Variants in CYP20A1 observed in about 807,000 individuals in gnomAD.
CYP20A1 encodes the protein cytochrome P450 20A1.
Under a neutral mutation model 61.4 loss-of-function variants are expected in CYP20A1, and 61 were observed. The observed-to-expected ratio is 0.99, with a 90% CI of 0.81 to 1.23. CYP20A1 has a LOEUF of 1.23. Among genes scored for constraint, CYP20A1 ranks in the 50% most tolerant of loss-of-function variants. The pLI is 0.00. For missense variants in CYP20A1, 530 were observed against 542.4 expected, an observed-to-expected ratio of 0.98 and a Z score of 0.23; for synonymous variants, 193 against 188.2, an observed-to-expected ratio of 1.03 and a Z score of -0.21.
intron 9 of CYP20A1, among the ~76,000 whole-genome samples, chr2:203,287,792 C>T (rs1327603135): frequency 1.3e-5 from 2 of 152,080 alleles, no homozygotes; most frequent in African/African-American, 4.8e-5. Context: ...TGTACTCCCA[C>T]CTTATCCTCA....
chr2:203,242,029 A>G (rs556285837), intron 1 of CYP20A1, among the ~76,000 whole-genome samples: 6 of 152,114 alleles, frequency 3.9e-5, no homozygotes, highest in Non-Finnish European at 8.8e-5. Context: ...TTTAGTAGAG[A>G]CAAGATTTCA....
intron 3 of CYP20A1, among the ~76,000 whole-genome samples, 166 bp from the exon 4 acceptor site, chr2:203,251,801 A>ATATATT (rs2066686798): frequency 1.2e-5 from 1 of 83,566 alleles, no homozygotes; most frequent in Admixed American, 1.3e-4. Flanking sequence ...GTGTATATAT[A>ATATATT]TATATATATA....
At chr2:203,286,126 G>A (rs144980033) in intron 9 of CYP20A1, among the ~76,000 whole-genome samples, 8 of 152,162 alleles carry the variant, frequency 5.3e-5, no homozygotes, top group Non-Finnish European at 1.0e-4. Flanking sequence ...TGGGCAACAC[G>A]GAAATGCAAA....
At chr2:203,254,563 A>T (rs971161274) in intron 4 of CYP20A1, among the ~76,000 whole-genome samples, 1 of 151,722 alleles carries the variant, frequency 6.6e-6, no homozygotes, top group Non-Finnish European at 1.5e-5. Context: ...AAAAAAAAAA[A>T]TTGTTATCAT....
chr2:203,260,383 C>T (rs1032619096), intron 4 of CYP20A1, among the ~76,000 whole-genome samples: 4 of 148,390 alleles, frequency 2.7e-5, no homozygotes, highest in Admixed American at 6.8e-5. Context: ...CCACGACGCC[C>T]GGCTAATTTT....
chr2:203,291,459 A>G (rs2068527395), intron 10 of CYP20A1, among the ~76,000 whole-genome samples: 1 of 152,170 alleles, frequency 6.6e-6, no homozygotes, highest in South Asian at 2.1e-4. Flanking sequence ...TGTATATTTT[A>G]TGAATCTTGC....
chr2:203,251,087 A>G (rs1051136940), intron 3 of CYP20A1, among the ~76,000 whole-genome samples: 2 of 123,890 alleles, frequency 1.6e-5, no homozygotes, highest in African/African-American at 5.7e-5. Context: ...AAAAAAAAAG[A>G]GATGATAACA....
chr2:203,276,713 G>A (rs894538517), intron 6 of CYP20A1, among the ~76,000 whole-genome samples: 1 of 152,150 alleles, frequency 6.6e-6, no homozygotes, highest in African/African-American at 2.4e-5. Context: ...CAAGAGTTCA[G>A]TGTTTGGTAT....
At chr2:203,290,641 AT>A (rs1335449744) in intron 10 of CYP20A1, among the ~76,000 whole-genome samples, 1 of 151,946 alleles carries the variant, frequency 6.6e-6, no homozygotes. Flanking sequence ...ACCATGATTT[AT>A]TTTTTAATTT....
In CYP20A1 at chr2:203,303,510, A is replaced by C. The variant is rs1275088707; in HGVS notation, c.*6602A>C. 6.6e-6 allele frequency among the ~76,000 whole-genome samples: 1 copy of C among 151,930 alleles called. No homozygotes were observed. The highest frequency in any genetic ancestry group is 1.5e-5 in the Non-Finnish European group (1 of 67,990). On this transcript the variant is annotated 3_prime_UTR_variant, in exon 13 of 13. Coordinates refer to ENST00000356079, the MANE Select transcript of CYP20A1 (RefSeq NM_177538.3). ...CAGGAGTTTGAGATCAGCCTGGCCA[A>C]CGTGGTGAAACTCCATCTCTACTAA...
intron 6 of CYP20A1, among the ~76,000 whole-genome samples, chr2:203,274,151 G>A (rs377627370): frequency 1.3e-5 from 2 of 151,110 alleles, no homozygotes; most frequent in East Asian, 3.9e-4. Flanking sequence ...GTCAGTGGTT[G>A]AATAATTATA....
At chr2:203,287,487 C>T (rs2068330690) in intron 9 of CYP20A1, among the ~76,000 whole-genome samples, 1 of 152,016 alleles carries the variant, frequency 6.6e-6, no homozygotes, top group Non-Finnish European at 1.5e-5. Flanking sequence ...TGGAGGATTG[C>T]TTGAGCCCAG....
intron 4 of CYP20A1, among the ~76,000 whole-genome samples, chr2:203,261,982 C>G (rs941317108): frequency 2.6e-5 from 4 of 151,992 alleles, no homozygotes; most frequent in African/African-American, 9.7e-5. Context: ...ACAAAAGCAT[C>G]CAAGGGGAGG....
rs962553383 is a variant in CYP20A1 at position 203,304,467 on chromosome 2, G to T, written c.*7559G>T. ...CCACCGCGGCTTCCCAAAGTGCTGG[G>T]ATTACAGGTGTGAGCCACAGCGCCC... On this transcript the variant is annotated 3_prime_UTR_variant, in exon 13 of 13. Coordinates refer to ENST00000356079, the MANE Select transcript of CYP20A1 (RefSeq NM_177538.3). Among the ~76,000 whole-genome samples, 3 of 152,010 alleles carry T rather than the reference G, an allele frequency of 2.0e-5. No homozygotes were observed. The highest frequency in any genetic ancestry group is 4.4e-5 in the Non-Finnish European group (3 of 67,998).
intron 4 of CYP20A1, among the ~76,000 whole-genome samples, chr2:203,266,191 T>C (rs2152074820): frequency 6.6e-6 from 1 of 152,330 alleles, no homozygotes; most frequent in South Asian, 2.1e-4. Context: ...TATTTTTAAT[T>C]AGATACCAAG....
chr2:203,294,304 G>A (rs2068677023), intron 11 of CYP20A1, among the ~76,000 whole-genome samples: 1 of 151,938 alleles, frequency 6.6e-6, no homozygotes. Context: ...TTGGGAGGCC[G>A]AGGCGGGCAG....
At chr2:203,253,157 G>A (rs936628838) in intron 4 of CYP20A1, among the ~76,000 whole-genome samples, 3 of 152,162 alleles carry the variant, frequency 2.0e-5, no homozygotes, top group African/African-American at 7.2e-5. Context: ...ACCCCAGGAG[G>A]TGATCAGGCT....
intron 4 of CYP20A1, among the ~76,000 whole-genome samples, chr2:203,263,852 A>C (rs186762920): frequency 1.1e-4 from 16 of 152,186 alleles, no homozygotes; most frequent in Admixed American, 1.0e-3. Flanking sequence ...TGGTAAATAA[A>C]ATGGTGTGCT....
rs1016252449 is a variant in CYP20A1, at chr2:203,255,918, G to T, written c.432+3809G>T. Among the ~76,000 whole-genome samples, 4 of 152,232 alleles carry T rather than the reference G, an allele frequency of 2.6e-5. No homozygotes were observed. The East Asian group carries it at 5.8e-4, about 22-fold the overall frequency. On this transcript the variant is annotated intron_variant, in intron 4 of 12. Coordinates refer to ENST00000356079, the MANE Select transcript of CYP20A1 (RefSeq NM_177538.3). ...GTTTAAATGTCACTTCCCCAGGGAC[G>T]CTATCTCTGATCATCCCACATTGCT... is the stretch of plus-strand genomic sequence containing the variant.
Sources: gnomAD v4.1 joint callset for allele counts (sites outside exome capture counted in the v4.1 genomes callset) on GRCh38, gnomAD v4.1.1 for gene constraint, MANE v1.5 for transcripts, NCBI Gene and HGNC (gene_info 2026-07-23, HGNC 2026-07-21) for gene names.